CECR2: variants seen among roughly 807,000 people sequenced by gnomAD.
The protein encoded by CECR2 is CECR2 histone acetyl-lysine reader, also known as chromatin remodeling regulator CECR2.
A neutral mutation model predicts 154.5 loss-of-function variants in CECR2; 30 were observed. That is an observed-to-expected ratio of 0.19 (90% confidence interval 0.15 to 0.26). The LOEUF (loss-of-function observed/expected upper bound fraction) is 0.26. Ranked by LOEUF, CECR2 falls within the 10% of genes least tolerant of loss-of-function variation. The pLI is 1.00. For missense variants in CECR2, 1,743 were observed against 1,829.3 expected (o/e 0.95, Z 0.86); for synonymous variants, 725 against 683.7 (o/e 1.06, Z -0.94).
chr22:17,512,268 T>G (rs967295780), intron 8 of CECR2, among the ~76,000 whole-genome samples: 1 of 151,710 alleles, frequency 6.6e-6, no homozygotes. Context: ...ATGGCTGGGA[T>G]TGATGGAAGG....
chr22:17,385,517 A>G (rs918113345), intron 1 of CECR2, among the ~76,000 whole-genome samples: 8 of 152,222 alleles, frequency 5.3e-5, no homozygotes, highest in African/African-American at 7.2e-5. Flanking sequence ...GCATTTATCA[A>G]TTGAGTTTGC....
rs547347697 is a variant in CECR2 at position 17,390,991 on chromosome 22, C to T, written c.126+21082C>T. On this transcript the variant is annotated intron_variant, in intron 1 of 18. Coordinates refer to ENST00000262608, the MANE Select transcript of CECR2 (RefSeq NM_001290047.2). Reference sequence around the variant, plus strand: ...AAGTTCAAAGATAAGTGAACCCCTGCGTACCCTTTACTCTAGATGTACCAA... The same window carrying T: ...AAGTTCAAAGATAAGTGAACCCCTGTGTACCCTTTACTCTAGATGTACCAA... Among the ~76,000 whole-genome samples the T allele has an allele frequency of 1.2e-4, 19 of 152,226 alleles. No individual in the cohort carries two copies. In the South Asian group the frequency reaches 1.9e-3, roughly 15 times the overall value.
At chr22:17,475,505 G>C (rs552546099) in intron 1 of CECR2, among the ~76,000 whole-genome samples, 6 of 152,180 alleles carry the variant, frequency 3.9e-5, no homozygotes, top group African/African-American at 1.4e-4. Context: ...TGTGGCCCAG[G>C]CTGGTCTCAA....
chr22:17,364,708 G>C (rs1277654623), upstream of CECR2, among the ~76,000 whole-genome samples: 1 of 152,104 alleles, frequency 6.6e-6, no homozygotes, highest in African/African-American at 2.4e-5. Flanking sequence ...GCTGGGAGTG[G>C]TGCCACGCAC....
At position 17,524,289 on chromosome 22, in the gene CECR2, G is replaced by T; in HGVS notation, c.1108+18G>T. ...AGTGGAAGGTATGTGCAGTGTCCGC[G>T]TGGTCTGGAGAGGTGCATGTCTGTC... On this transcript the variant is annotated intron_variant, in intron 9 of 18. Coordinates refer to ENST00000262608, the MANE Select transcript of CECR2 (RefSeq NM_001290047.2). 6.2e-7 allele frequency: 1 copy of T among 1,603,136 alleles called. No individual in the cohort carries two copies. The highest frequency in any genetic ancestry group is 8.5e-7 in the Non-Finnish European group (1 of 1,175,528).
In CECR2 at chr22:17,504,867, G is replaced by C. The variant is rs1181108534; in HGVS notation, c.721G>C (p.Gly241Arg). The change falls in exon 7 of 19, where the codon GGT becomes CGT. Residue 241 changes from glycine (G) to arginine (R), a missense_variant. Gly to Arg is a moderately radical substitution (Grantham distance 125, BLOSUM62 -2). This residue lies in a region of CECR2 where 292 missense variants were observed against 301.2 expected (regional missense o/e 0.97). Coordinates refer to ENST00000262608, the MANE Select transcript of CECR2 (RefSeq NM_001290047.2). ...TRHGSQGPGQ[G>R]TWWLLCQTEE... The stretch of plus-strand genomic sequence containing the variant: ...TCTAGGGTCCCAAGGGCCAGGCCAA[G>C]GTACTTGGTGGCTCCTGTGCCAGAC... The C allele has an allele frequency of 1.2e-6, 2 of 1,613,772 alleles. No homozygotes were observed. Among genetic ancestry groups the C allele is most frequent in the Admixed American group, 3.3e-5 (2 of 59,988 alleles).
chr22:17,446,868 G>A (rs993642319), intron 1 of CECR2, among the ~76,000 whole-genome samples: 11 of 151,970 alleles, frequency 7.2e-5, no homozygotes, highest in African/African-American at 2.2e-4. Context: ...ATTTGGCCCC[G>A]CCCACATCCT....
rs531834106 is a variant in CECR2 at position 17,417,821 on chromosome 22, A to G, written c.126+47912A>G. 1.2e-4 allele frequency among the ~76,000 whole-genome samples: 19 copies of G among 152,114 alleles called. No homozygotes were observed. In the South Asian group the frequency reaches 3.7e-3, roughly 30 times the overall value. ...TTTTTAGTAGAGACAGGATTTCACC[A>G]TGTTGGTCAGGCTGGTCCTGAACTC... On this transcript the variant is annotated intron_variant, in intron 1 of 18. Coordinates refer to ENST00000262608, the MANE Select transcript of CECR2 (RefSeq NM_001290047.2).
chr22:17,420,162 A>G (rs1858757), intron 1 of CECR2, among the ~76,000 whole-genome samples: 23,224 of 152,284 alleles, frequency 0.15, 2,185 homozygotes, highest in Middle Eastern at 0.2. Context: ...AACCCTTGCT[A>G]TATTAGTGAC....
intron 1 of CECR2, among the ~76,000 whole-genome samples, chr22:17,370,432 C>T (rs538665646): frequency 0.023 from 3,500 of 151,578 alleles, 81 homozygotes; most frequent in Middle Eastern, 0.076. Flanking sequence ...CTCCCGGAGG[C>T]CCCAAGCTCC....
chr22:17,542,394 A>G lies in CECR2; in HGVS notation c.2251A>G (p.Ser751Gly). ...AGCCCGGCCACCAGACTTTCCTGAA[A>G]GCTCAGAAATTCCTCCCAGCCATAT... ...APARPPDFPE[S>G]SEIPPSHMYR... Residue 751 changes from serine (S) to glycine (G), a missense_variant, in exon 16 of 19, where the codon AGC becomes GGC. Ser to Gly is a moderately conservative substitution (Grantham distance 56). Transcript: ENST00000262608. The G allele has an allele frequency of 6.2e-7, 1 of 1,613,752 alleles. No homozygotes were observed. Among genetic ancestry groups the G allele is most frequent in the Non-Finnish European group, 8.5e-7 (1 of 1,179,858 alleles).
At chr22:17,387,113 A>G (rs2063272300) in intron 1 of CECR2, among the ~76,000 whole-genome samples, 1 of 152,230 alleles carries the variant, frequency 6.6e-6, no homozygotes, top group Non-Finnish European at 1.5e-5. Flanking sequence ...TTTGTATACA[A>G]ATAAGCTATT....
intron 9 of CECR2, among the ~76,000 whole-genome samples, chr22:17,526,157 C>G (rs1357390137): frequency 6.6e-6 from 1 of 151,804 alleles, no homozygotes; most frequent in African/African-American, 2.4e-5. Context: ...AAAAAAAAAT[C>G]CTTTAATTTA....
At chr22:17,510,367 G>T (rs988019202) in intron 7 of CECR2, among the ~76,000 whole-genome samples, 3 of 152,066 alleles carry the variant, frequency 2.0e-5, no homozygotes, top group Non-Finnish European at 4.4e-5. Context: ...TGCTTTGGGA[G>T]TCCAAGGTGG....
chr22:17,414,652 G>C lies in CECR2; in HGVS notation c.126+44743G>C, dbSNP rs563545177. Among the ~76,000 whole-genome samples, 109 of 151,818 alleles carry C rather than the reference G, an allele frequency of 7.2e-4. 1 individual carries two copies. The South Asian group carries it at 9.0e-3, about 12-fold the overall frequency. ...TTTACATTAGGTATGTCTCCTAATG[G>C]TATCCCTCCCCCTCCCCCCACCCCA... On this transcript the variant is annotated intron_variant, in intron 1 of 18. Transcript: ENST00000262608.
intron 1 of CECR2, among the ~76,000 whole-genome samples, chr22:17,440,076 AAAAAC>A (rs1488917245): frequency 1.3e-5 from 2 of 151,932 alleles, no homozygotes; most frequent in Non-Finnish European, 2.9e-5. Flanking sequence ...CATTGAAAAA[AAAAAC>A]AAAAAAAGTA....
intron 1 of CECR2, among the ~76,000 whole-genome samples, chr22:17,429,565 A>G (rs1162728063): frequency 6.6e-6 from 1 of 151,458 alleles, no homozygotes; most frequent in Non-Finnish European, 1.5e-5. Context: ...AACAAAGAAA[A>G]GAAAAGAAAA....
Position 17,409,671 on chromosome 22 carries a change from T to TAA in CECR2, c.126+39763_126+39764dup, listed in dbSNP as rs1239231481. Among the ~76,000 whole-genome samples, 7 of 112,650 alleles carry TAA rather than the reference T, an allele frequency of 6.2e-5. 2 individuals are homozygous for TAA. Among genetic ancestry groups the TAA allele is most frequent in the Admixed American group, 2.8e-4 (3 of 10,620 alleles). The allele number at this position is 112,650 out of a possible 152,430, so 73.9% of individuals were successfully genotyped here. On this transcript the variant is annotated intron_variant, in intron 1 of 18. Transcript: ENST00000262608. ...CCCAACCCAGTCAATCTCTGTCATA[T>TAA]AACTCTTTTCTGTTTTCTTCTTCTG...
At chr22:17,488,739 G>A (rs1265025306) in intron 2 of CECR2, among the ~76,000 whole-genome samples, 1 of 152,134 alleles carries the variant, frequency 6.6e-6, no homozygotes, top group Non-Finnish European at 1.5e-5. Flanking sequence ...CTTCCAGTTG[G>A]AGCCTATTAT....
Sources: allele counts gnomAD v4.1 joint callset (sites outside exome capture counted in the v4.1 genomes callset), GRCh38; gene constraint gnomAD v4.1.1; regional missense constraint gnomAD v4.1.1; transcripts MANE v1.5; gene names NCBI Gene and HGNC (gene_info 2026-07-23, HGNC 2026-07-21).